The following XRCC5 variants were observed in gnomAD, a reference collection of about 807,000 sequenced individuals.
XRCC5 encodes X-ray repair cross complementing 5.
XRCC5 carries 12 observed loss-of-function variants against 95.7 expected under a neutral mutation model. The ratio of observed to expected loss-of-function variants is 0.13; its 90% CI spans 0.08 to 0.20. XRCC5 has a LOEUF of 0.20. XRCC5 is among the 10% of genes least tolerant of loss of function. The pLI is 1.00. For synonymous variants in XRCC5, 281 were observed against 290.3 expected (o/e 0.97, Z 0.33); for missense variants, 595 against 873.9 (o/e 0.68, Z 4.02).
chr2:216,110,109 G>A (rs1369175701), intron 1 of XRCC5, among the ~76,000 whole-genome samples: 1 of 152,186 alleles, frequency 6.6e-6, no homozygotes, highest in Non-Finnish European at 1.5e-5. Flanking sequence ...ATAAAGAACT[G>A]TGGGCTTTTC....
At position 216,205,429 on chromosome 2, in the gene XRCC5, CTGGTTGGTG is replaced by C; in HGVS notation, c.*229_*237del. 1 of 552,556 alleles carries C rather than the reference CTGGTTGGTG, an allele frequency of 1.8e-6. No homozygotes were observed. The highest frequency in any genetic ancestry group is 3.2e-6 in the Non-Finnish European group (1 of 310,586). The allele number at this position is 552,556 out of a possible 1,614,324, so 34.2% of individuals were successfully genotyped here. On this transcript the variant is annotated 3_prime_UTR_variant, in exon 21 of 21. Transcript: ENST00000392132. ...GTTTATAAAGAGTCATTGTTATTTT[CTGGTTGGTG>C]TATTATTTTTTCTGTGGTCTTACTG... is the stretch of plus-strand genomic sequence containing the variant.
In XRCC5 at chr2:216,155,281, A is replaced by C. The variant is rs543752805; in HGVS notation, c.1671-4787A>C. Among the ~76,000 whole-genome samples, 16 of 151,840 alleles carry C rather than the reference A, an allele frequency of 1.1e-4. No individual in the cohort carries two copies. In the East Asian group the frequency reaches 3.1e-3, roughly 29 times the overall value. Reference sequence around the variant, plus strand: ...GACAAGGAACTAATAATTAGGATATACAAGGACCTCTTGGCAAATCAAAAA... The same window carrying C: ...GACAAGGAACTAATAATTAGGATATCCAAGGACCTCTTGGCAAATCAAAAA... On this transcript the variant is annotated intron_variant, in intron 14 of 20. Transcript: ENST00000392132.
At chr2:216,204,295 G>A (rs767758230) in intron 19 of XRCC5, 27 bp from the exon 20 acceptor site, 61 of 1,612,284 alleles carry the variant, frequency 3.8e-5, no homozygotes, top group Non-Finnish European at 5.1e-5. Flanking sequence ...TATCATTTTG[G>A]TATGATAACT....
chr2:216,144,230 C>T (rs1688574651), intron 13 of XRCC5, among the ~76,000 whole-genome samples: 1 of 152,006 alleles, frequency 6.6e-6, no homozygotes, highest in Non-Finnish European at 1.5e-5. Context: ...GCATGCCATG[C>T]AAAATAAATA....
chr2:216,165,546 G>C (rs964930464), intron 16 of XRCC5, among the ~76,000 whole-genome samples: 1 of 152,166 alleles, frequency 6.6e-6, no homozygotes, highest in Non-Finnish European at 1.5e-5. Flanking sequence ...CATCTTGTTT[G>C]TTTGTTTTTC....
chr2:216,156,636 T>C, intron 14 of XRCC5: 5 of 559,122 alleles, frequency 8.9e-6, no homozygotes, highest in South Asian at 5.5e-5. Context: ...TCTGCCTACA[T>C]ATAGTGACCC....
At chr2:216,156,019 GA>G (rs1215769063) in intron 14 of XRCC5, among the ~76,000 whole-genome samples, 2 of 152,156 alleles carry the variant, frequency 1.3e-5, no homozygotes, top group African/African-American at 4.8e-5. Context: ...AAGAAGCGAA[GA>G]CACTAAGTTA....
chr2:216,125,791 C>A, intron 6 of XRCC5, 126 bp from the exon 7 acceptor site: 1 of 723,704 alleles, frequency 1.4e-6, no homozygotes, highest in South Asian at 2.0e-5. Context: ...TTCCGGCCAT[C>A]TCCTGCTGTT....
At position 216,196,080 on chromosome 2, in the gene XRCC5, A is replaced by G. The variant is rs189201296; in HGVS notation, c.2109+1094A>G. On this transcript the variant is annotated intron_variant, in intron 19 of 20. Coordinates refer to ENST00000392132, the MANE Select transcript of XRCC5 (RefSeq NM_021141.4). ...ATGCAAAGCTGGAAATGTTAATCAGATGGCTAAATTCAGGCCAAAATTTAA... is the reference window on the plus strand; with the variant it reads ...ATGCAAAGCTGGAAATGTTAATCAGGTGGCTAAATTCAGGCCAAAATTTAA... Among the ~76,000 whole-genome samples, 395 of 152,338 alleles carry G rather than the reference A, an allele frequency of 2.6e-3. 9 individuals carry two copies. Among genetic ancestry groups the G allele is most frequent in the Non-Finnish European group, 5.9e-4 (40 of 68,028 alleles).
At chr2:216,150,284 A>G (rs1447854381) in intron 14 of XRCC5, among the ~76,000 whole-genome samples, 1 of 152,148 alleles carries the variant, frequency 6.6e-6, no homozygotes, top group African/African-American at 2.4e-5. Context: ...TTTTCACTTG[A>G]TATGATTTTG....
intron 6 of XRCC5, among the ~76,000 whole-genome samples, chr2:216,122,710 AT>A (rs367910761): frequency 0.012 from 1,832 of 148,654 alleles, 41 homozygotes; most frequent in African/African-American, 0.041. Context: ...TGGTATAGTG[AT>A]TTTTTTTTTA....
At chr2:216,175,203 A>G (rs1319335190) in intron 16 of XRCC5, 1 of 370,234 alleles carries the variant, frequency 2.7e-6, no homozygotes, top group Non-Finnish European at 5.3e-6. Flanking sequence ...CAGGCCCACC[A>G]CCATTGTTGC....
chr2:216,162,095 A>C (rs1688964283), intron 16 of XRCC5, 47 bp downstream of exon 16: 1 of 1,530,250 alleles, frequency 6.5e-7, no homozygotes. Context: ...AGTTAAGCTA[A>C]CTAATTTAAA....
chr2:216,162,207 CATT>C (rs891174988), intron 16 of XRCC5, among the ~76,000 whole-genome samples, 159 bp downstream of exon 16: 34 of 152,234 alleles, frequency 2.2e-4, no homozygotes, highest in African/African-American at 7.9e-4. Context: ...ACTGAGGCAA[CATT>C]ATGAGCACAT....
chr2:216,122,285 A>G (rs1393294494), intron 6 of XRCC5, 32 bp downstream of exon 6: 8 of 1,568,574 alleles, frequency 5.1e-6, no homozygotes, highest in South Asian at 2.3e-5. Flanking sequence ...GGGAATTTTT[A>G]ATTGTACCCA....
chr2:216,111,448 C>T (rs980282721), intron 1 of XRCC5: 13 of 445,004 alleles, frequency 2.9e-5, no homozygotes, highest in East Asian at 2.2e-4. Context: ...CACTTGAGCC[C>T]GGGAGATGGA....
At chr2:216,128,568 A>G (rs892747250) in intron 8 of XRCC5, among the ~76,000 whole-genome samples, 3 of 152,228 alleles carry the variant, frequency 2.0e-5, no homozygotes, top group African/African-American at 7.2e-5. Flanking sequence ...TTTGGAATCA[A>G]ACCTGGGTTA....
chr2:216,197,210 G>T (rs1055777292), intron 19 of XRCC5, among the ~76,000 whole-genome samples: 26 of 152,172 alleles, frequency 1.7e-4, no homozygotes, highest in Non-Finnish European at 2.6e-4. Context: ...CTGAGCCTAA[G>T]CATGAGGAAT....
intron 16 of XRCC5, among the ~76,000 whole-genome samples, chr2:216,167,623 T>A (rs1327188185): frequency 1.3e-5 from 2 of 149,144 alleles, no homozygotes; most frequent in Non-Finnish European, 3.0e-5. Context: ...TGATTTTTTT[T>A]AATTGATCCT....
Sources: gnomAD v4.1 joint callset for allele counts (sites outside exome capture counted in the v4.1 genomes callset) on GRCh38, gnomAD v4.1.1 for gene constraint, MANE v1.5 for transcripts, NCBI Gene and HGNC (gene_info 2026-07-23, HGNC 2026-07-21) for gene names.